Variants in COL25A1 observed in about 807,000 individuals in gnomAD.
The protein encoded by COL25A1 is collagen alpha-1(XXV) chain.
Under a neutral mutation model 128.4 loss-of-function variants are expected in COL25A1, and 103 were observed. The ratio of observed to expected loss-of-function variants is 0.80; its 90% CI spans 0.68 to 0.94. COL25A1 has a LOEUF of 0.94. COL25A1 is among the 40% of genes least tolerant of loss of function. The pLI is 0.00. For synonymous variants in COL25A1, 279 were observed against 277.2 expected, an observed-to-expected ratio of 1.01 and a Z score of -0.06; for missense variants, 745 against 840.0, an observed-to-expected ratio of 0.89 and a Z score of 1.40.
intron 3 of COL25A1, among the ~76,000 whole-genome samples, chr4:109,096,094 G>C (rs1431525952): frequency 1.3e-5 from 2 of 152,162 alleles, no homozygotes; most frequent in African/African-American, 4.8e-5. Flanking sequence ...AGAGCCAAAT[G>C]AATGTTGTCA....
intron 3 of COL25A1, among the ~76,000 whole-genome samples, chr4:109,126,824 G>C (rs969153734): frequency 2.6e-5 from 4 of 151,288 alleles, no homozygotes; most frequent in African/African-American, 9.7e-5. Context: ...GAGTTAATGG[G>C]TGCAGCACAC....
At position 108,901,129 on chromosome 4, in the gene COL25A1, G is replaced by A. The variant is rs1216923219; in HGVS notation, c.824C>T (p.Pro275Leu). ...LPGAVGQNGI[P>L]GPKGEPGEQG... Reference sequence around the variant, plus strand: ...TTTATTTGTACTAACCTTAGGTCCTGGTATTCCATTCTGTCCTACTGCTCC... The same window carrying A: ...TTTATTTGTACTAACCTTAGGTCCTAGTATTCCATTCTGTCCTACTGCTCC... Residue 275 changes from proline (P) to leucine (L), a missense_variant, in exon 14 of 38, where the codon CCA becomes CTA. By Grantham distance (98) the Pro-to-Leu change is moderately conservative. Around this residue, in one of 3 missense-constraint regions of COL25A1, gnomAD observed 39 missense variants for 73.3 expected, o/e 0.53. Coordinates refer to ENST00000399132, the MANE Select transcript of COL25A1 (RefSeq NM_198721.4). The A allele has an allele frequency of 6.2e-7, 1 of 1,611,106 alleles. No individual in the cohort carries two copies. Among genetic ancestry groups the A allele is most frequent in the Non-Finnish European group, 8.5e-7 (1 of 1,177,888 alleles).
chr4:108,827,049 G>T, intron 33 of COL25A1, 86 bp downstream of exon 33: 1 of 1,129,784 alleles, frequency 8.9e-7, no homozygotes, highest in Non-Finnish European at 1.3e-6. Flanking sequence ...ACATTAGTCT[G>T]CCCCACAAGC....
At chr4:108,936,654 G>T (rs1387021152) in intron 11 of COL25A1, among the ~76,000 whole-genome samples, 3 of 151,858 alleles carry the variant, frequency 2.0e-5, no homozygotes, top group South Asian at 4.2e-4. Context: ...GACCCAGAAT[G>T]CTTTCATTTC....
At chr4:109,079,622 T>C (rs56783877) in intron 3 of COL25A1, among the ~76,000 whole-genome samples, 3,712 of 152,112 alleles carry the variant, frequency 0.024, 170 homozygotes, top group African/African-American at 0.084. Flanking sequence ...TAAAAGGAGC[T>C]AATTCTGGCT....
chr4:108,941,911 T>G (rs932327656), intron 8 of COL25A1, among the ~76,000 whole-genome samples: 5 of 152,314 alleles, frequency 3.3e-5, no homozygotes, highest in Middle Eastern at 3.4e-3. Flanking sequence ...GGAAAAATAT[T>G]ACAGAGCATT....
intron 3 of COL25A1, among the ~76,000 whole-genome samples, chr4:109,082,048 A>G (rs1424470504): frequency 1.3e-5 from 2 of 152,152 alleles, no homozygotes; most frequent in African/African-American, 2.4e-5. Flanking sequence ...TTTTCTGTAC[A>G]TTTCATATAA....
intron 3 of COL25A1, among the ~76,000 whole-genome samples, chr4:109,246,469 A>G (rs1490409693): frequency 6.6e-6 from 1 of 152,196 alleles, no homozygotes; most frequent in Non-Finnish European, 1.5e-5. Context: ...GTACTCCACC[A>G]ATTCTCAAGG....
chr4:109,190,415 A>G (rs1775505333), intron 3 of COL25A1, among the ~76,000 whole-genome samples: 1 of 152,122 alleles, frequency 6.6e-6, no homozygotes, highest in African/African-American at 2.4e-5. Context: ...GGAGGGAAGA[A>G]GGGAGGGAAG....
chr4:109,143,204 C>A (rs1452023695), intron 3 of COL25A1, among the ~76,000 whole-genome samples: 1 of 152,162 alleles, frequency 6.6e-6, no homozygotes, highest in Non-Finnish European at 1.5e-5. Flanking sequence ...GTTGAAAATT[C>A]TTTTGTTTAA....
intron 35 of COL25A1, chr4:108,819,767 C>A (rs577994581): frequency 2.9e-6 from 3 of 1,021,912 alleles, no homozygotes; most frequent in Admixed American, 4.2e-5. Context: ...CCCATCTGAT[C>A]CCCTCACACA....
At chr4:108,924,897 T>G (rs1222494125) in intron 11 of COL25A1, among the ~76,000 whole-genome samples, 1 of 152,194 alleles carries the variant, frequency 6.6e-6, no homozygotes. Flanking sequence ...ATTCCAAATA[T>G]CAGAGCTCAG....
intron 13 of COL25A1, among the ~76,000 whole-genome samples, chr4:108,911,294 T>G (rs1356447200): frequency 6.6e-6 from 1 of 152,152 alleles, no homozygotes; most frequent in Non-Finnish European, 1.5e-5. Flanking sequence ...GGTGATAGCT[T>G]CTCTTCTTTT....
intron 24 of COL25A1, among the ~76,000 whole-genome samples, chr4:108,857,153 A>G (rs879753155): frequency 2.6e-5 from 4 of 152,138 alleles, no homozygotes; most frequent in Admixed American, 6.6e-5. Context: ...AAGAAAGTAG[A>G]TACCTCTTAA....
intron 21 of COL25A1, among the ~76,000 whole-genome samples, chr4:108,862,834 A>G (rs868666769): frequency 6.6e-6 from 1 of 152,324 alleles, no homozygotes; most frequent in African/African-American, 2.4e-5. Context: ...TGGCTGCATC[A>G]ATTTCCTTTT....
chr4:109,237,646 ATTAT>A lies in COL25A1; in HGVS notation c.367+62933_367+62936del, dbSNP rs200542901. Among the ~76,000 whole-genome samples the A allele has an allele frequency of 8.7e-3, 1,321 of 151,748 alleles. 11 individuals are homozygous for A. Among genetic ancestry groups the A allele is most frequent in the African/African-American group, 0.021 (883 of 41,374 alleles). On this transcript the variant is annotated intron_variant, in intron 3 of 37. Coordinates refer to ENST00000399132, the MANE Select transcript of COL25A1 (RefSeq NM_198721.4). ...CTTTTTTTTTTTTTTGCTTTAAAAA[ATTAT>A]TTATTTGTGTGATAAAATATGCATA...
chr4:109,057,856 C>T (rs942075733), intron 3 of COL25A1, among the ~76,000 whole-genome samples: 5 of 151,998 alleles, frequency 3.3e-5, no homozygotes, highest in African/African-American at 1.2e-4. Context: ...TAATTAGTTG[C>T]TATTTATTAA....
intron 3 of COL25A1, among the ~76,000 whole-genome samples, chr4:109,081,398 A>G (rs1763820898): frequency 6.6e-6 from 1 of 152,220 alleles, no homozygotes; most frequent in Non-Finnish European, 1.5e-5. Context: ...ATATTTAATA[A>G]ACATTAGTAA....
chr4:109,091,014 C>G (rs1311883874), intron 3 of COL25A1, among the ~76,000 whole-genome samples: 1 of 152,086 alleles, frequency 6.6e-6, no homozygotes, highest in African/African-American at 2.4e-5. Flanking sequence ...TCTTTTCTCC[C>G]CAACTGTGAA....
Sources: allele counts gnomAD v4.1 joint callset (sites outside exome capture counted in the v4.1 genomes callset), GRCh38; gene constraint gnomAD v4.1.1; regional missense constraint gnomAD v4.1.1; transcripts MANE v1.5; gene names NCBI Gene and HGNC (gene_info 2026-07-23, HGNC 2026-07-21).